The following ADGRL2 variants were observed in gnomAD, a reference collection of about 807,000 sequenced individuals.
ADGRL2 encodes the protein adhesion G protein-coupled receptor L2, also known as calcium-independent alpha-latrotoxin receptor 2.
A neutral mutation model predicts 157.4 loss-of-function variants in ADGRL2; 44 were observed. That is an observed-to-expected ratio of 0.28 (90% CI 0.22 to 0.36). The LOEUF (loss-of-function observed/expected upper bound fraction) is 0.36. ADGRL2 is among the 10% of genes least tolerant of loss of function. The probability of loss-of-function intolerance (pLI) is 1.00; values close to 1 mark genes in which losing one functional copy is unlikely to be tolerated. For missense variants in ADGRL2, 1,510 were observed against 1,768.9 expected, an observed-to-expected ratio of 0.85 and a Z score of 2.63; for synonymous variants, 585 against 624.7, an observed-to-expected ratio of 0.94 and a Z score of 0.95.
At chr1:81,912,660 A>G (rs1025535382) in intron 3 of ADGRL2, among the ~76,000 whole-genome samples, 2 of 151,262 alleles carry the variant, frequency 1.3e-5, no homozygotes, top group Admixed American at 1.3e-4. Flanking sequence ...GAGCAGAGGT[A>G]AAATTGCCAT....
At chr1:81,379,451 G>A (rs1215469118) in intron 1 of ADGRL2, among the ~76,000 whole-genome samples, 1 of 152,158 alleles carries the variant, frequency 6.6e-6, no homozygotes, top group African/African-American at 2.4e-5. Context: ...TCTGTATCCC[G>A]GGGTTTCTTG....
At chr1:81,534,830 A>C (rs2148279614) in intron 2 of ADGRL2, among the ~76,000 whole-genome samples, 1 of 152,368 alleles carries the variant, frequency 6.6e-6, no homozygotes, top group African/African-American at 2.4e-5. Flanking sequence ...TGGTAAGAAC[A>C]GAATAATGCC....
intron 1 of ADGRL2, among the ~76,000 whole-genome samples, chr1:81,701,983 C>T (rs1310483220): frequency 6.6e-6 from 1 of 152,136 alleles, no homozygotes; most frequent in Non-Finnish European, 1.5e-5. Context: ...TTTTCATGGT[C>T]CTTCTGGGAC....
In ADGRL2 at chr1:81,991,140, C is replaced by T; in HGVS notation, c.4405C>T (p.Leu1469Phe). Reference sequence around the variant, plus strand: ...AGGACAAATGCAGCTGGTTACAAGTCTTTAATCATACAGCTAAGGAATTCC... The same window carrying T: ...AGGACAAATGCAGCTGGTTACAAGTTTTTAATCATACAGCTAAGGAATTCC... ...REGQMQLVTS[L>F] The change falls in exon 24 of 24, where the codon CTT (leucine) becomes TTT (phenylalanine). Residue 1469 changes from leucine (L) to phenylalanine (F), a missense_variant. Physicochemically the swap from Leu to Phe is conservative, Grantham distance 22. Coordinates refer to ENST00000686636, the MANE Select transcript of ADGRL2 (RefSeq NM_001366006.2). 6.3e-7 allele frequency: 1 copy of T among 1,599,704 alleles called. No individual in the cohort carries two copies. The highest frequency in any genetic ancestry group is 8.5e-7 in the Non-Finnish European group (1 of 1,170,420).
intron 1 of ADGRL2, among the ~76,000 whole-genome samples, chr1:81,746,944 A>ATGTG (rs2085276154): frequency 1.4e-5 from 2 of 145,902 alleles, no homozygotes; most frequent in East Asian, 2.1e-4. Context: ...ACGTATACAC[A>ATGTG]TGTATGTATA....
At chr1:81,538,266 C>T (rs111458547) in intron 2 of ADGRL2, among the ~76,000 whole-genome samples, 119 of 152,182 alleles carry the variant, frequency 7.8e-4, no homozygotes, top group African/African-American at 2.7e-3. Context: ...TTCCCACTCA[C>T]GTAATAGTTT....
chr1:81,730,701 C>G (rs534626858), intron 1 of ADGRL2, among the ~76,000 whole-genome samples: 1 of 150,520 alleles, frequency 6.6e-6, no homozygotes, highest in African/African-American at 2.5e-5. Flanking sequence ...CCAGCCTGGG[C>G]GGCAGAGTGA....
intron 3 of ADGRL2, among the ~76,000 whole-genome samples, chr1:81,609,071 G>T (rs919593789): frequency 1.3e-5 from 2 of 150,360 alleles, no homozygotes; most frequent in Admixed American, 6.6e-5. Context: ...CAGAGTTCTC[G>T]CTCTGTCACC....
chr1:81,824,460 G>A (rs972368150), intron 1 of ADGRL2, among the ~76,000 whole-genome samples: 3 of 151,774 alleles, frequency 2.0e-5, no homozygotes, highest in Admixed American at 6.6e-5. Context: ...ATTTTTTGTA[G>A]AGATGGAGTC....
intron 3 of ADGRL2, among the ~76,000 whole-genome samples, chr1:81,929,333 G>A (rs747930634): frequency 1.3e-5 from 2 of 152,114 alleles, no homozygotes; most frequent in Non-Finnish European, 2.9e-5. Context: ...ATCGGTGACG[G>A]GGAACGATGG....
At position 81,785,945 on chromosome 1, in the gene ADGRL2, GA is replaced by G. The variant is rs201329667; in HGVS notation, c.-101+24104del. 3.0e-4 allele frequency among the ~76,000 whole-genome samples: 44 copies of G among 145,764 alleles called. No individual in the cohort carries two copies. The East Asian group carries it at 5.0e-3, about 17-fold the overall frequency. On this transcript the variant is annotated intron_variant, in intron 2 of 20. Transcript: ENST00000359929. ...AAAATAGAGAGACTCTGTCTCTACA[GA>G]AAAAAAAAAATTGGTGGGTGTGCTG...
In ADGRL2 at chr1:81,766,847, GAAAAAAA is replaced by G. The variant is rs66946051; in HGVS notation, c.-101+5004_-101+5010del. 8.9e-3 allele frequency among the ~76,000 whole-genome samples: 1,050 copies of G among 117,826 alleles called. 17 individuals are homozygous for G. Among genetic ancestry groups the G allele is most frequent in the African/African-American group, 0.031 (1,013 of 32,450 alleles). The allele number at this position is 117,826 out of a possible 152,430, so 77.3% of individuals were successfully genotyped here. On this transcript the variant is annotated intron_variant, in intron 2 of 20. Transcript: ENST00000359929. ...CTCCGTCTCAAAAAAAAAAAAAAAG[GAAAAAAA>G]AAAAAAAAGAAAAAGAAATGCAGAT...
At chr1:81,608,066 G>T (rs1288530552) in intron 3 of ADGRL2, among the ~76,000 whole-genome samples, 2 of 152,182 alleles carry the variant, frequency 1.3e-5, no homozygotes, top group Non-Finnish European at 2.9e-5. Context: ...TCTTTAAAAG[G>T]ATGTAGTAAG....
At chr1:81,843,487 G>A (rs983565608) in intron 2 of ADGRL2, among the ~76,000 whole-genome samples, 1 of 152,122 alleles carries the variant, frequency 6.6e-6, no homozygotes, top group African/African-American at 2.4e-5. Context: ...GGACACTTTA[G>A]ATATTCTTTA....
intron 1 of ADGRL2, among the ~76,000 whole-genome samples, chr1:81,323,352 A>C (rs963664622): frequency 1.2e-4 from 18 of 149,898 alleles, no homozygotes; most frequent in Non-Finnish European, 2.5e-4. Context: ...CAACCCTCCC[A>C]CCTTAGACCC....
chr1:81,858,223 A>G (rs2093272076), intron 2 of ADGRL2, among the ~76,000 whole-genome samples: 1 of 152,172 alleles, frequency 6.6e-6, no homozygotes. Context: ...AAGGCTTCAT[A>G]CATAAAATTT....
At chr1:81,944,562 A>G (rs534185301) in intron 6 of ADGRL2, among the ~76,000 whole-genome samples, 207 of 152,210 alleles carry the variant, frequency 1.4e-3, no homozygotes, top group African/African-American at 4.9e-3. Flanking sequence ...CATACTCATG[A>G]TGAAAGAATA....
intron 21 of ADGRL2, among the ~76,000 whole-genome samples, chr1:81,986,484 G>A (rs1005376096): frequency 6.6e-6 from 1 of 151,968 alleles, no homozygotes; most frequent in Non-Finnish European, 1.5e-5. Context: ...TTTCATGAGG[G>A]ATAATCCCAC....
chr1:81,615,568 C>T (rs2081627460), intron 3 of ADGRL2, among the ~76,000 whole-genome samples: 1 of 152,214 alleles, frequency 6.6e-6, no homozygotes, highest in Non-Finnish European at 1.5e-5. Context: ...GACACACCAT[C>T]TTTAAGAACT....
Sources: gnomAD v4.1 joint callset for allele counts (sites outside exome capture counted in the v4.1 genomes callset) on GRCh38, gnomAD v4.1.1 for gene constraint, MANE v1.5 for transcripts, NCBI Gene and HGNC (gene_info 2026-07-23, HGNC 2026-07-21) for gene names.